Variants in CIB1 observed in about 807,000 individuals in gnomAD.
CIB1 encodes calcium and integrin-binding protein 1.
Under a neutral mutation model 25.0 loss-of-function variants are expected in CIB1, and 19 were observed. That is an observed-to-expected ratio of 0.76 (90% CI 0.53 to 1.12). CIB1 has a LOEUF of 1.12. CIB1 is among the 50% of genes most tolerant of loss of function. The probability of loss-of-function intolerance (pLI) is 0.00; values close to 1 mark genes in which losing one functional copy is unlikely to be tolerated. For synonymous variants in CIB1, 104 were observed against 98.5 expected (o/e 1.06, Z -0.33); for missense variants, 236 against 242.6 (o/e 0.97, Z 0.18).
intron 3 of CIB1, 65 bp downstream of exon 3, chr15:90,232,154 G>A (rs1028662874): frequency 7.9e-7 from 1 of 1,266,448 alleles, no homozygotes; most frequent in Non-Finnish European, 1.1e-6. Flanking sequence ...AGTGGCAGAT[G>A]GAGTTAGGGG....
chr15:90,241,200 C>T, the CIB1 span: 1 of 1,614,176 alleles, frequency 6.2e-7, no homozygotes, highest in Non-Finnish European at 8.5e-7. Context: ...CGTGGCTCAG[C>T]TGAATGTGGA....
chr15:90,264,917 C>T, the CIB1 span: 3 of 1,536,088 alleles, frequency 2.0e-6, no homozygotes, highest in Non-Finnish European at 2.6e-6. Context: ...TGCGTCTGCA[C>T]CCATGCTGCA....
At chr15:90,265,173 T>G in the CIB1 span, 1 of 1,288,192 alleles carries the variant, frequency 7.8e-7, no homozygotes, top group Non-Finnish European at 1.0e-6. Context: ...GACTAGAAGA[T>G]GAAGAGGCGC....
rs1164599717 is a variant in CIB1 at position 90,232,209 on chromosome 15, G to T, written c.195+10C>A. ...GTGGGAGAGGTGTCAAAGGAGGGGAGCGCTTGCACCTTGAGCTCTGGAAGG... is the reference window on the plus strand; with the variant it reads ...GTGGGAGAGGTGTCAAAGGAGGGGATCGCTTGCACCTTGAGCTCTGGAAGG... On this transcript the variant is annotated intron_variant, in intron 3 of 6. Transcript: ENST00000328649. 1.2e-6 allele frequency: 2 copies of T among 1,602,918 alleles called. No homozygotes were observed. Among genetic ancestry groups the T allele is most frequent in the South Asian group, 2.2e-5 (2 of 90,174 alleles).
At chr15:90,237,643 C>T (rs928998873), upstream of CIB1, among the ~76,000 whole-genome samples, 6 of 152,100 alleles carry the variant, frequency 3.9e-5, no homozygotes, top group African/African-American at 1.4e-4. Context: ...GTTAAACATC[C>T]CAAATGTGCT....
chr15:90,241,826 C>T, the CIB1 span: 4 of 1,614,096 alleles, frequency 2.5e-6, no homozygotes, highest in African/African-American at 5.3e-5. Flanking sequence ...CCTCAGCCCT[C>T]ACAGGGGTCC....
the CIB1 span, chr15:90,240,766 TC>T: frequency 6.5e-6 from 4 of 618,316 alleles, no homozygotes; most frequent in African/African-American, 1.9e-5. Flanking sequence ...TGAACCAAGA[TC>T]ACTGCCACTG....
rs920114216 is a variant in CIB1 at position 90,230,220 on chromosome 15, A to G, written c.*264T>C. The G allele has an allele frequency of 1.5e-5, 8 of 539,384 alleles. No homozygotes were observed. The highest frequency in any genetic ancestry group is 2.0e-5 in the Non-Finnish European group (6 of 301,386). 33.4% of individuals were successfully genotyped at this position (539,384 alleles called of 1,614,324 possible). On this transcript the variant is annotated 3_prime_UTR_variant, in exon 7 of 7. Transcript: ENST00000328649. ...TAGAAGAGAAGTCCAGTCCTTCCTC[A>G]TACCAGTGTATCTCATGTCACACAT... is the stretch of plus-strand genomic sequence containing the variant.
At chr15:90,259,768 C>T in the CIB1 span, among the ~76,000 whole-genome samples, 1 of 152,224 alleles carries the variant, frequency 6.6e-6, no homozygotes, top group Admixed American at 6.5e-5. Flanking sequence ...ACAGTTTAGT[C>T]ATTCAATAAT....
chr15:90,252,682 C>T, the CIB1 span, among the ~76,000 whole-genome samples: 17 of 152,122 alleles, frequency 1.1e-4, 1 homozygote, highest in African/African-American at 4.1e-4. Context: ...CTCTCCAAGC[C>T]ATAAACATCC....
Position 90,233,858 on chromosome 15 carries a change from T to C in CIB1, c.28A>G (p.Lys10Glu). The change falls in exon 1 of 7, where the codon AAG (lysine) becomes GAG (glutamate). Residue 10 changes from lysine (K) to glutamate (E), a missense_variant. Transcript: ENST00000328649. ...ACCTGGTACTCGGCCAGCAGCTCCT[T>C]GGACAGGCGACTGCCCGAGCCCCCC... MGGSGSRLS[K>E]ELLAEYQDLT... 6.6e-7 allele frequency: 1 copy of C among 1,519,272 alleles called. No homozygotes were observed. The highest frequency in any genetic ancestry group is 8.8e-7 in the Non-Finnish European group (1 of 1,134,104). 94.1% of individuals were successfully genotyped at this position (1,519,272 alleles called of 1,614,324 possible).
chr15:90,258,232 T>G, the CIB1 span: 1 of 1,614,132 alleles, frequency 6.2e-7, no homozygotes, highest in South Asian at 1.1e-5. Context: ...GGTTTTGACA[T>G]CTTGCTGGAC....
upstream of CIB1, among the ~76,000 whole-genome samples, chr15:90,238,250 A>G (rs913043191): frequency 1.3e-5 from 2 of 152,204 alleles, no homozygotes; most frequent in Non-Finnish European, 2.9e-5. Context: ...CAGTGAGCCA[A>G]GATCGTGCCA....
chr15:90,262,938 C>T, the CIB1 span: 1 of 1,528,964 alleles, frequency 6.5e-7, no homozygotes, highest in Non-Finnish European at 8.7e-7. Flanking sequence ...CTTGGAGATC[C>T]TGCATTTATC....
At chr15:90,255,990 G>C in the CIB1 span, 4 of 1,578,684 alleles carry the variant, frequency 2.5e-6, no homozygotes, top group Non-Finnish European at 3.5e-6. Context: ...GATGGAAGTG[G>C]AATGAGAAAG....
At chr15:90,236,363 T>C (rs1015048092), upstream of CIB1, among the ~76,000 whole-genome samples, 2 of 152,194 alleles carry the variant, frequency 1.3e-5, no homozygotes, top group African/African-American at 4.8e-5. Flanking sequence ...AGTGAAGACA[T>C]GAGAGTCAGC....
the CIB1 span, among the ~76,000 whole-genome samples, chr15:90,256,543 CTTTT>C: frequency 7.3e-3 from 1,031 of 141,204 alleles, 15 homozygotes; most frequent in African/African-American, 0.025. Context: ...TGTCTCCTTC[CTTTT>C]TCTTTCTTTC....
At chr15:90,250,925 A>C in the CIB1 span, 1 of 1,600,482 alleles carries the variant, frequency 6.2e-7, no homozygotes, top group South Asian at 1.1e-5. Context: ...GCCCAGCTCC[A>C]GGGAGTCACC....
upstream of CIB1, among the ~76,000 whole-genome samples, chr15:90,235,780 G>A (rs1962622953): frequency 2.0e-5 from 3 of 151,964 alleles, no homozygotes; most frequent in South Asian, 6.2e-4. Flanking sequence ...CTGTTAGCCA[G>A]GATGGTCTGG....
Sources: gnomAD v4.1 joint callset for allele counts (sites outside exome capture counted in the v4.1 genomes callset) on GRCh38, gnomAD v4.1.1 for gene constraint, MANE v1.5 for transcripts, NCBI Gene and HGNC (gene_info 2026-07-23, HGNC 2026-07-21) for gene names.